The following TNC variants were observed in gnomAD, a reference collection of about 807,000 sequenced individuals.
The protein encoded by TNC is tenascin C.
In TNC, 109 loss-of-function variants were observed where a neutral mutation model predicts 202.4. The observed-to-expected ratio is 0.54, with a 90% CI of 0.46 to 0.63. The LOEUF (loss-of-function observed/expected upper bound fraction) is 0.63, where lower values mean the gene tolerates loss of function less well. Among genes scored for constraint, TNC ranks in the 30% least tolerant of loss-of-function variants. The probability of loss-of-function intolerance (pLI) is 0.00; values close to 1 mark genes in which losing one functional copy is unlikely to be tolerated. For missense variants in TNC, 2,756 were observed against 2,833.3 expected (o/e 0.97, Z 0.62); for synonymous variants, 1,007 against 1,089.7 (o/e 0.92, Z 1.50).
At chr9:115,114,222 G>A (rs1837289123) in intron 1 of TNC, among the ~76,000 whole-genome samples, 1 of 152,180 alleles carries the variant, frequency 6.6e-6, no homozygotes, top group African/African-American at 2.4e-5. Flanking sequence ...AAGATTCAAG[G>A]GGATTCCCTA....
At chr9:115,075,301 T>C (rs1588133468) in intron 9 of TNC, among the ~76,000 whole-genome samples, 1 of 152,184 alleles carries the variant, frequency 6.6e-6, no homozygotes, top group Admixed American at 6.5e-5. Flanking sequence ...AACAGGTAAG[T>C]GCAGGGCCTG....
At position 115,059,773 on chromosome 9, in the gene TNC, G is replaced by T. The variant is rs1316471451; in HGVS notation, c.4263C>A (p.Ile1421=). ...AGAGTACTGGTGTTCTATAGCCCCG[G>T]ATCACCCCATAGATGGAGACTCTAT... The part of the protein sequence containing the change: ...TPYRVSIYGV[I]RGYRTPVLSA... The change falls in exon 14 of 28, where the codon ATC becomes ATA. Residue 1421 remains isoleucine, a synonymous_variant. Coordinates refer to ENST00000350763, the MANE Select transcript of TNC (RefSeq NM_002160.4). 2 of 1,613,654 alleles carry T rather than the reference G, an allele frequency of 1.2e-6. No homozygotes were observed. Among genetic ancestry groups the T allele is most frequent in the Non-Finnish European group, 1.7e-6 (2 of 1,179,736 alleles).
chr9:115,035,974 G>C (rs1830291456), intron 21 of TNC, 124 bp downstream of exon 21: 1 of 1,128,116 alleles, frequency 8.9e-7, no homozygotes, highest in Non-Finnish European at 1.3e-6. Context: ...AAGTGATGCT[G>C]ATGTAATCAC....
At chr9:115,044,706 CG>C (rs1831046029) in intron 17 of TNC, among the ~76,000 whole-genome samples, 1 of 152,104 alleles carries the variant, frequency 6.6e-6, no homozygotes, top group South Asian at 2.1e-4. Flanking sequence ...GATCTGGAGT[CG>C]TTTTATGGGC....
At chr9:115,083,508 A>G (rs1834465726) in intron 4 of TNC, among the ~76,000 whole-genome samples, 1 of 152,090 alleles carries the variant, frequency 6.6e-6, no homozygotes, top group African/African-American at 2.4e-5. Flanking sequence ...TTGGGATAAG[A>G]TGCTTAACCA....
intron 10 of TNC, among the ~76,000 whole-genome samples, chr9:115,069,300 A>G (rs1041884039): frequency 8.5e-5 from 13 of 152,130 alleles, no homozygotes; most frequent in Admixed American, 5.2e-4. Flanking sequence ...GTTTCTGCCT[A>G]TCACCCCTGC....
Position 115,060,021 on chromosome 9 carries a change from G to C in TNC, c.4034-19C>G, listed in dbSNP as rs1351308842. ...AGATCCTCTGAAGAAGGACAGAAAA[G>C]TATTTGTCAGTTCTATAAACCAAAA... On this transcript the variant is annotated intron_variant, in intron 13 of 27. Coordinates refer to ENST00000350763, the MANE Select transcript of TNC (RefSeq NM_002160.4). 3.8e-6 allele frequency: 6 copies of C among 1,593,212 alleles called. No individual in the cohort carries two copies. Among genetic ancestry groups the C allele is most frequent in the African/African-American group, 1.3e-5 (1 of 74,386 alleles).
rs57108467 is a variant in TNC, at chr9:115,098,957, T to TTTTTTTC, written c.-136-7804_-136-7803insGAAAAAA. ...GTGTGTATTTTTTTTTTTTTTTTTTTCCTGAGGACATCTGATCTCCATAGT... is the reference window on the plus strand; with the variant it reads ...GTGTGTATTTTTTTTTTTTTTTTTTTTTTTTTCCCTGAGGACATCTGATCTCCATAGT... On this transcript the variant is annotated intron_variant, in intron 1 of 27. Coordinates refer to ENST00000350763, the MANE Select transcript of TNC (RefSeq NM_002160.4). 1.8e-4 allele frequency among the ~76,000 whole-genome samples: 25 copies of TTTTTTTC among 137,650 alleles called. 1 individual carries two copies. The South Asian group carries it at 6.2e-3, about 34-fold the overall frequency. 90.3% of individuals were successfully genotyped at this position (137,650 alleles called of 152,430 possible).
rs762672481 is a variant in TNC, at chr9:115,076,431, A to G, written c.2819T>C (p.Val940Ala). The G allele has an allele frequency of 6.2e-7, 1 of 1,614,142 alleles. No homozygotes were observed. The highest frequency in any genetic ancestry group is 8.5e-7 in the Non-Finnish European group (1 of 1,180,022). Residue 940 changes from valine (V) to alanine (A), a missense_variant, in exon 8 of 28, where the codon GTT (valine) becomes GCT (alanine). Around this residue, in one of 2 missense-constraint regions of TNC, gnomAD observed 2,559 missense variants for 2,546.0 expected, o/e 1.01. Coordinates refer to ENST00000350763, the MANE Select transcript of TNC (RefSeq NM_002160.4). Reference sequence around the variant, plus strand: ...GGTTGTGGCTTGTTGGCTCTTTGGAACATCAACCTCAGCGTGGTCCCCTCC... The same window carrying G: ...GGTTGTGGCTTGTTGGCTCTTTGGAGCATCAACCTCAGCGTGGTCCCCTCC... ...ISGGDHAEVDVPKSQQATTKT... is the reference protein window; with the variant it reads ...ISGGDHAEVDAPKSQQATTKT...
chr9:115,086,138 G>A lies in TNC; in HGVS notation c.1593C>T (p.Ser531=), dbSNP rs745896929. The part of the protein sequence containing the change: ...GFTGPDCAEL[S]CPNDCHGQGR... ...CCTGGCCATGGCAGTCATTTGGACAGGAGAGTTCTGCACAGTCAGGGCCGG... is the reference window on the plus strand; with the variant it reads ...CCTGGCCATGGCAGTCATTTGGACAAGAGAGTTCTGCACAGTCAGGGCCGG... Residue 531 remains serine, a synonymous_variant, in exon 3 of 28, where the codon TCC becomes TCT. Coordinates refer to ENST00000350763, the MANE Select transcript of TNC (RefSeq NM_002160.4). The A allele has an allele frequency of 1.7e-5, 28 of 1,613,848 alleles. No individual in the cohort carries two copies. The highest frequency in any genetic ancestry group is 2.3e-5 in the Non-Finnish European group (27 of 1,179,924).
chr9:115,052,201 C>CGAGGCACA (rs1384647919), intron 15 of TNC, among the ~76,000 whole-genome samples: 1 of 151,408 alleles, frequency 6.6e-6, no homozygotes, highest in African/African-American at 2.4e-5. Context: ...GTGAAATAAT[C>CGAGGCACA]GAGGCACAGA....
At position 115,048,374 on chromosome 9, in the gene TNC, T is replaced by C. The variant is rs756079263; in HGVS notation, c.4738A>G (p.Thr1580Ala). ...LDPQEFTLSG[T>A]QRKLELRGLI... ...CCTCTAAGCTCCAGCTTCCTCTGGG[T>C]TCCTGAAAGTGTGAATTCCTGGGGG... Residue 1580 changes from threonine (T) to alanine (A), a missense_variant, in exon 16 of 28, where the codon ACC becomes GCC. Coordinates refer to ENST00000350763, the MANE Select transcript of TNC (RefSeq NM_002160.4). 4.3e-6 allele frequency: 7 copies of C among 1,613,840 alleles called. No homozygotes were observed. Among genetic ancestry groups the C allele is most frequent in the Non-Finnish European group, 5.1e-6 (6 of 1,179,964 alleles).
At chr9:115,105,915 A>G (rs1420470787) in intron 1 of TNC, among the ~76,000 whole-genome samples, 1 of 152,158 alleles carries the variant, frequency 6.6e-6, no homozygotes, top group Admixed American at 6.6e-5. Flanking sequence ...GGGACAGTTT[A>G]TAGAGTGTTT....
intron 1 of TNC, among the ~76,000 whole-genome samples, chr9:115,096,899 C>T (rs909893283): frequency 4.6e-5 from 7 of 152,240 alleles, no homozygotes; most frequent in South Asian, 2.1e-4. Context: ...CTTCTCCCCA[C>T]GTTAAACTAA....
intron 18 of TNC, 54 bp from the exon 19 acceptor site, chr9:115,041,138 C>T (rs1485274014): frequency 6.5e-7 from 1 of 1,544,166 alleles, no homozygotes; most frequent in Non-Finnish European, 8.8e-7. Context: ...GACACTTATT[C>T]ACTGTTGCCC....
rs573615641 is a variant in TNC, at chr9:115,054,137, G to T, written c.4579+3016C>A. On this transcript the variant is annotated intron_variant, in intron 15 of 27. Transcript: ENST00000350763. Reference sequence around the variant, plus strand: ...GATATTAAGATCAGGATTTAGGGTTGGGAAGAGGCACAATATTTCTTCCAA... The same window carrying T: ...GATATTAAGATCAGGATTTAGGGTTTGGAAGAGGCACAATATTTCTTCCAA... 2.0e-5 allele frequency among the ~76,000 whole-genome samples: 3 copies of T among 152,292 alleles called. No homozygotes were observed. The East Asian group carries it at 5.8e-4, about 29-fold the overall frequency.
chr9:115,098,095 G>A (rs1835932328), intron 1 of TNC, among the ~76,000 whole-genome samples: 1 of 152,186 alleles, frequency 6.6e-6, no homozygotes, highest in African/African-American at 2.4e-5. Context: ...GGTCCTGAAA[G>A]CTTTTGTGGG....
At chr9:115,047,240 C>CTTTTTTTTT (rs397975455) in intron 16 of TNC, among the ~76,000 whole-genome samples, 1 of 107,232 alleles carries the variant, frequency 9.3e-6, no homozygotes, top group Admixed American at 9.4e-5. Flanking sequence ...CTACCCTTGA[C>CTTTTTTTTT]TTTTTTTTTT....
chr9:115,085,768 C>T (rs1834662219), intron 3 of TNC, 96 bp downstream of exon 3: 1 of 1,139,970 alleles, frequency 8.8e-7, no homozygotes, highest in Non-Finnish European at 1.2e-6. Context: ...AATCAGTGTG[C>T]ATGAATGTTT....
Sources: gnomAD v4.1 joint callset for allele counts (sites outside exome capture counted in the v4.1 genomes callset) on GRCh38, gnomAD v4.1.1 for gene constraint, gnomAD v4.1.1 regional missense constraint, MANE v1.5 for transcripts, NCBI Gene and HGNC (gene_info 2026-07-23, HGNC 2026-07-21) for gene names.